The following NF2 variants were observed in gnomAD, a reference collection of about 807,000 sequenced individuals.
The protein encoded by NF2 is merlin.
NF2 carries 8 observed loss-of-function variants against 83.7 expected under a neutral mutation model. The ratio of observed to expected loss-of-function variants is 0.10; its 90% CI spans 0.06 to 0.17. The LOEUF is 0.17. NF2 is among the 10% of genes least tolerant of loss of function. The pLI, the probability that NF2 is intolerant of heterozygous loss-of-function variation, is 1.00. For synonymous variants in NF2, 266 were observed against 269.6 expected (o/e 0.99, Z 0.13); for missense variants, 533 against 744.4 (o/e 0.72, Z 3.31).
chr22:29,609,196 G>A, intron 1 of NF2: 1 of 739,474 alleles, frequency 1.4e-6, no homozygotes. Context: ...CCTCAGTTCA[G>A]TATTTGGCAC....
chr22:29,656,570 C>A (rs1248323377), intron 6 of NF2, among the ~76,000 whole-genome samples: 2 of 151,938 alleles, frequency 1.3e-5, no homozygotes, highest in Admixed American at 6.6e-5. Context: ...CGCCACCACG[C>A]CTAGGCTAAT....
At position 29,636,954 on chromosome 22, in the gene NF2, C is replaced by T. The variant is rs980041635; in HGVS notation, c.240+78C>T. On this transcript the variant is annotated intron_variant, in intron 2 of 15. Transcript: ENST00000338641. This position sits in a 1 kb window ranked among gnomAD's most constrained non-coding sequence, Gnocchi z 4.4. ...TTCCCTGAGCAGGCGCCTAGCTCAT[C>T]ACTGGGGCGCTGTAGCTGTATAGTA... 5 of 1,596,892 alleles carry T rather than the reference C, an allele frequency of 3.1e-6. No individual in the cohort carries two copies. The highest frequency in any genetic ancestry group is 1.1e-5 in the South Asian group (1 of 90,576).
intron 1 of NF2, among the ~76,000 whole-genome samples, chr22:29,627,182 T>C (rs1026754020): frequency 3.3e-5 from 5 of 152,230 alleles, no homozygotes; most frequent in Non-Finnish European, 5.9e-5. Context: ...TGAAAAATGC[T>C]ACATGGTTTA....
rs772158241 is a variant in NF2 at position 29,694,844 on chromosome 22, A to T, written c.*42A>T. The T allele has an allele frequency of 4.7e-5, 75 of 1,600,894 alleles. No individual in the cohort carries two copies. Among genetic ancestry groups the T allele is most frequent in the Non-Finnish European group, 6.2e-5 (73 of 1,171,354 alleles). ...CCCAGGACCTGCCACTTCTCCTGCT[A>T]CCGGGACCGCGGGATGGACCAGATA... On this transcript the variant is annotated 3_prime_UTR_variant, in exon 16 of 16. Coordinates refer to ENST00000338641, the MANE Select transcript of NF2 (RefSeq NM_000268.4). The surrounding 1 kb of genome is among the most constrained non-coding windows in gnomAD (Gnocchi z 4.1).
At chr22:29,608,959 GC>G in intron 1 of NF2, 1 of 610,996 alleles carries the variant, frequency 1.6e-6, no homozygotes, top group Non-Finnish European at 3.0e-6. Flanking sequence ...CAATTTAGGG[GC>G]CCAGTGCCTC....
intron 1 of NF2, among the ~76,000 whole-genome samples, chr22:29,632,185 G>A (rs573966050): frequency 6.6e-6 from 1 of 151,952 alleles, no homozygotes; most frequent in East Asian, 1.9e-4. Flanking sequence ...TGGTAGTTTC[G>A]GTCCTTTTGG....
chr22:29,653,118 T>A (rs1036221082), intron 4 of NF2, among the ~76,000 whole-genome samples: 5 of 152,098 alleles, frequency 3.3e-5, no homozygotes, highest in African/African-American at 1.2e-4. Flanking sequence ...CTAAACTGTG[T>A]TACAAAAACT....
At chr22:29,606,152 C>A (rs2064790301) in intron 1 of NF2, among the ~76,000 whole-genome samples, 1 of 152,186 alleles carries the variant, frequency 6.6e-6, no homozygotes, top group Non-Finnish European at 1.5e-5. Context: ...CAGGGTTTCT[C>A]CATGTTGGTC....
chr22:29,623,000 G>GA (rs1298860263), intron 1 of NF2, among the ~76,000 whole-genome samples: 3 of 141,720 alleles, frequency 2.1e-5, no homozygotes, highest in South Asian at 4.5e-4. Flanking sequence ...ACTCAGACTG[G>GA]AGTGCAGTGG....
rs149790470 is a variant in NF2, at chr22:29,676,430, C to G, written c.1446+1489C>G. 5.8e-3 allele frequency among the ~76,000 whole-genome samples: 884 copies of G among 152,262 alleles called. 5 individuals carry two copies. The highest frequency in any genetic ancestry group is 9.6e-3 in the Non-Finnish European group (652 of 68,020). ...AGCTCAAGTGATCTGCCTGCCTCAG[C>G]TTCCCAAAGTGCTGGGATTATAGGC... On this transcript the variant is annotated intron_variant, in intron 13 of 15. Coordinates refer to ENST00000338641, the MANE Select transcript of NF2 (RefSeq NM_000268.4).
intron 1 of NF2, among the ~76,000 whole-genome samples, chr22:29,620,733 A>T (rs912931974): frequency 6.6e-6 from 1 of 151,986 alleles, no homozygotes; most frequent in African/African-American, 2.4e-5. Flanking sequence ...TCCAAAAAAA[A>T]AAATAGAGAT....
At chr22:29,651,280 A>T (rs2066140758) in intron 4 of NF2, among the ~76,000 whole-genome samples, 1 of 152,200 alleles carries the variant, frequency 6.6e-6, no homozygotes, top group African/African-American at 2.4e-5. Context: ...GTTTAACCTA[A>T]GTATTGGCTC....
rs952252330 is a variant in NF2 at position 29,646,689 on chromosome 22, T to G, written c.447+4404T>G. 1.2e-4 allele frequency among the ~76,000 whole-genome samples: 18 copies of G among 152,178 alleles called. 1 individual carries two copies. Among genetic ancestry groups the G allele is most frequent in the Non-Finnish European group, 4.4e-5 (3 of 68,030 alleles). On this transcript the variant is annotated intron_variant, in intron 4 of 15. Coordinates refer to ENST00000338641, the MANE Select transcript of NF2 (RefSeq NM_000268.4). ...GAAACAATTACCCTCAAAGTATAAA[T>G]ACAATACTAATCACATGGTTCAGTT...
Position 29,696,695 on chromosome 22 carries a change from C to T in NF2, c.*1893C>T, listed in dbSNP as rs931382053. On this transcript the variant is annotated 3_prime_UTR_variant, in exon 16 of 16. Coordinates refer to ENST00000338641, the MANE Select transcript of NF2 (RefSeq NM_000268.4). The stretch of plus-strand genomic sequence containing the variant: ...ACAGGGTGGGACTCCAGACCTAGAG[C>T]GTAAGTATGGATGTTGTGGCCCTGT... 5 of 220,374 alleles carry T rather than the reference C, an allele frequency of 2.3e-5. No individual in the cohort carries two copies. Among genetic ancestry groups the T allele is most frequent in the Non-Finnish European group, 3.6e-5 (4 of 110,048 alleles). The allele number at this position is 220,374 out of a possible 1,614,324, so 13.7% of individuals were successfully genotyped here.
Position 29,696,311 on chromosome 22 carries a change from T to C in NF2, c.*1509T>C, listed in dbSNP as rs2067552545. The C allele has an allele frequency of 4.6e-6, 1 of 219,600 alleles. No individual in the cohort carries two copies. The highest frequency in any genetic ancestry group is 5.8e-5 in the Admixed American group (1 of 17,244). The allele number at this position is 219,600 out of a possible 1,614,324, so 13.6% of individuals were successfully genotyped here. On this transcript the variant is annotated 3_prime_UTR_variant, in exon 16 of 16. Coordinates refer to ENST00000338641, the MANE Select transcript of NF2 (RefSeq NM_000268.4). ...GCTGGTCTCAAACTCACACCTGGGA[T>C]TACAGGCATGAGCCACTGCACCCAG...
chr22:29,661,173 G>A (rs754910097), intron 7 of NF2, 32 bp from the exon 8 acceptor site: 12 of 1,614,002 alleles, frequency 7.4e-6, no homozygotes, highest in African/African-American at 4.0e-5. Flanking sequence ...CTCAGCTGGC[G>A]CTTACAGTAG....
intron 1 of NF2, among the ~76,000 whole-genome samples, chr22:29,629,954 A>T (rs2065464739): frequency 6.6e-6 from 1 of 152,202 alleles, no homozygotes; most frequent in South Asian, 2.1e-4. Context: ...CACTTTCTTC[A>T]AGAAAGTTGT....
chr22:29,607,916 T>C (rs1191657738), intron 1 of NF2, among the ~76,000 whole-genome samples: 2 of 152,026 alleles, frequency 1.3e-5, no homozygotes, highest in African/African-American at 4.8e-5. Flanking sequence ...CTCACACCTG[T>C]AATCCCAGCA....
At chr22:29,609,161 G>T in intron 1 of NF2, 1 of 752,574 alleles carries the variant, frequency 1.3e-6, no homozygotes, top group East Asian at 2.5e-5. Flanking sequence ...TGGGATGAAG[G>T]TTGGCCTTGC....
Sources: allele counts gnomAD v4.1 joint callset (sites outside exome capture counted in the v4.1 genomes callset), GRCh38; gene constraint gnomAD v4.1.1; non-coding constraint Gnocchi (gnomAD v3.1); transcripts MANE v1.5; gene names NCBI Gene and HGNC (gene_info 2026-07-23, HGNC 2026-07-21).